Variants in STAG1 observed in about 807,000 individuals in gnomAD.
The protein encoded by STAG1 is cohesin subunit SA-1.
A neutral mutation model predicts 170.9 loss-of-function variants in STAG1; 26 were observed. The ratio of observed to expected loss-of-function variants is 0.15; its 90% CI spans 0.11 to 0.21. The LOEUF is 0.21. Among genes scored for constraint, STAG1 ranks in the 10% least tolerant of loss-of-function variants. STAG1 has a pLI of 1.00. For missense variants in STAG1, 964 were observed against 1,509.5 expected (o/e 0.64, Z 5.99); for synonymous variants, 514 against 497.7 (o/e 1.03, Z -0.44).
intron 5 of STAG1, among the ~76,000 whole-genome samples, chr3:136,542,468 T>C (rs866764437): frequency 6.6e-6 from 1 of 152,140 alleles, no homozygotes; most frequent in Non-Finnish European, 1.5e-5. Flanking sequence ...AAGTTCTAGA[T>C]AGTTTAAATT....
chr3:136,511,419 G>A (rs1934057990), intron 7 of STAG1, among the ~76,000 whole-genome samples: 1 of 152,194 alleles, frequency 6.6e-6, no homozygotes, highest in Admixed American at 6.5e-5. Context: ...ATGGTAGACT[G>A]GTTAAAGAAA....
intron 5 of STAG1, among the ~76,000 whole-genome samples, chr3:136,567,214 C>A (rs535841600): frequency 5.9e-5 from 9 of 152,330 alleles, no homozygotes; most frequent in African/African-American, 2.2e-4. Flanking sequence ...CCCAATCCAA[C>A]AGGTCTGTTG....
chr3:136,550,555 C>T (rs1451041436), intron 5 of STAG1, among the ~76,000 whole-genome samples: 1 of 152,162 alleles, frequency 6.6e-6, no homozygotes, highest in Non-Finnish European at 1.5e-5. Context: ...GATCCACCTG[C>T]CTCAGCCTCA....
At chr3:136,488,121 TG>T (rs779989334) in intron 9 of STAG1, among the ~76,000 whole-genome samples, 1 of 152,208 alleles carries the variant, frequency 6.6e-6, no homozygotes, top group Non-Finnish European at 1.5e-5. Context: ...ATGAGACAAA[TG>T]TTTTTTTGTT....
intron 1 of STAG1, among the ~76,000 whole-genome samples, chr3:136,712,050 G>A (rs551424938): frequency 6.6e-6 from 1 of 152,242 alleles, no homozygotes; most frequent in East Asian, 1.9e-4. Context: ...ATGGACTCTT[G>A]CTCTGTCGCC....
intron 4 of STAG1, among the ~76,000 whole-genome samples, chr3:136,576,014 C>T (rs1359304591): frequency 6.6e-6 from 1 of 152,158 alleles, no homozygotes; most frequent in Non-Finnish European, 1.5e-5. Flanking sequence ...ATGCTGCCTT[C>T]CTCCCACTTA....
intron 1 of STAG1, among the ~76,000 whole-genome samples, chr3:136,718,949 G>A (rs765084600): frequency 6.6e-6 from 1 of 152,058 alleles, no homozygotes; most frequent in Non-Finnish European, 1.5e-5. Context: ...GGCAGGCAGG[G>A]AGGGGGCAAA....
chr3:136,417,306 G>A (rs887079216), intron 21 of STAG1, among the ~76,000 whole-genome samples: 2 of 152,078 alleles, frequency 1.3e-5, no homozygotes, highest in African/African-American at 4.8e-5. Flanking sequence ...TGATATTTTG[G>A]TCTACATGAA....
intron 16 of STAG1, among the ~76,000 whole-genome samples, chr3:136,423,268 T>C (rs377452426): frequency 1.3e-5 from 2 of 152,246 alleles, no homozygotes; most frequent in African/African-American, 4.8e-5. Flanking sequence ...TTATGTCAAA[T>C]AAAAATATAT....
chr3:136,509,089 G>A (rs1376558985), intron 7 of STAG1, among the ~76,000 whole-genome samples: 1 of 152,196 alleles, frequency 6.6e-6, no homozygotes, highest in Non-Finnish European at 1.5e-5. Flanking sequence ...TTCTTGAGAA[G>A]GTGAAAAGGG....
chr3:136,623,171 T>C lies in STAG1; in HGVS notation c.107A>G (p.Lys36Arg). The change falls in exon 3 of 34, where the codon AAA (lysine) becomes AGA (arginine). Residue 36 changes from lysine (K) to arginine (R), a missense_variant. Lys to Arg is a conservative substitution (Grantham distance 26, BLOSUM62 2). Around this residue, in one of 11 missense-constraint regions of STAG1, gnomAD observed 108 missense variants for 120.2 expected, o/e 0.90. Coordinates refer to ENST00000383202, the MANE Select transcript of STAG1 (RefSeq NM_005862.3). ...LEETEVKGKR[K>R]RGRPGRPPST... is the part of the protein sequence containing the mutation. ...TGGAGGCCGGCCAGGACGACCCCTTTTTCTTTTTCCTTTGACCTCTGTTTC... is the reference window on the plus strand; with the variant it reads ...TGGAGGCCGGCCAGGACGACCCCTTCTTCTTTTTCCTTTGACCTCTGTTTC... The C allele has an allele frequency of 6.2e-7, 1 of 1,613,738 alleles. No individual in the cohort carries two copies. Among genetic ancestry groups the C allele is most frequent in the Non-Finnish European group, 8.5e-7 (1 of 1,179,746 alleles).
intron 16 of STAG1, chr3:136,429,982 A>AGCTTTAAG (rs1464440832): frequency 6.6e-6 from 1 of 152,238 alleles, no homozygotes; most frequent in African/African-American, 2.4e-5. Context: ...TTGTGTTAAC[A>AGCTTTAAG]GCTTTAAGGC....
chr3:136,440,877 C>T (rs1212690999), intron 15 of STAG1, among the ~76,000 whole-genome samples: 3 of 151,874 alleles, frequency 2.0e-5, no homozygotes, highest in African/African-American at 7.3e-5. Context: ...TAGTCCCAAC[C>T]ACTTGGGAGG....
chr3:136,683,837 G>T (rs1395600965), intron 1 of STAG1, among the ~76,000 whole-genome samples: 8 of 152,172 alleles, frequency 5.3e-5, no homozygotes, highest in Non-Finnish European at 8.8e-5. Context: ...ACTAAAAAGT[G>T]ATTGTAGCAA....
At chr3:136,501,411 G>A (rs894835122) in intron 8 of STAG1, among the ~76,000 whole-genome samples, 7 of 152,194 alleles carry the variant, frequency 4.6e-5, no homozygotes, top group Admixed American at 2.0e-4. Context: ...CCATACTGGA[G>A]TAGGGGAGGA....
At chr3:136,461,982 G>C (rs898657617) in intron 13 of STAG1, among the ~76,000 whole-genome samples, 6 of 151,936 alleles carry the variant, frequency 3.9e-5, no homozygotes, top group Non-Finnish European at 7.4e-5. Context: ...GTGCAAATAA[G>C]AAATCACAAT....
At chr3:136,423,085 A>C in intron 16 of STAG1, 41 bp from the exon 17 acceptor site, 4 of 1,370,764 alleles carry the variant, frequency 2.9e-6, no homozygotes, top group Non-Finnish European at 4.0e-6. Flanking sequence ...ATTGTGTTAA[A>C]TTATAAATCC....
chr3:136,681,714 A>G (rs550413514), intron 1 of STAG1, among the ~76,000 whole-genome samples: 1 of 152,362 alleles, frequency 6.6e-6, no homozygotes, highest in Admixed American at 6.5e-5. Context: ...ACATTCATTA[A>G]TAAAATGAAA....
chr3:136,669,888 T>A (rs1421068815), intron 1 of STAG1, among the ~76,000 whole-genome samples: 1 of 152,260 alleles, frequency 6.6e-6, no homozygotes, highest in East Asian at 1.9e-4. Context: ...TCATTTGATA[T>A]ATGAATTTAC....
Sources: allele counts gnomAD v4.1 joint callset (sites outside exome capture counted in the v4.1 genomes callset), GRCh38; gene constraint gnomAD v4.1.1; regional missense constraint gnomAD v4.1.1; transcripts MANE v1.5; gene names NCBI Gene and HGNC (gene_info 2026-07-23, HGNC 2026-07-21).